The following RORA variants were observed in gnomAD, a reference collection of about 807,000 sequenced individuals.
The protein encoded by RORA is RAR related orphan receptor A.
RORA carries 7 observed loss-of-function variants against 69.5 expected under a neutral mutation model. The observed-to-expected ratio is 0.10, with a 90% CI of 0.06 to 0.19. The LOEUF (loss-of-function observed/expected upper bound fraction) is 0.19, where lower values mean the gene tolerates loss of function less well. Ranked by LOEUF, RORA falls within the 10% of genes least tolerant of loss-of-function variation. The pLI is 1.00. For missense variants in RORA, 457 were observed against 663.0 expected (o/e 0.69, Z 3.41); for synonymous variants, 261 against 240.8 (o/e 1.08, Z -0.78).
At chr15:60,769,995 A>T (rs1428726681) in intron 1 of RORA, among the ~76,000 whole-genome samples, 1 of 152,252 alleles carries the variant, frequency 6.6e-6, no homozygotes, top group Non-Finnish European at 1.5e-5. Context: ...AGCATGTGCT[A>T]TAACCTGTTT....
intron 1 of RORA, among the ~76,000 whole-genome samples, chr15:60,927,833 C>T (rs561542262): frequency 6.6e-6 from 1 of 152,122 alleles, no homozygotes; most frequent in Non-Finnish European, 1.5e-5. Flanking sequence ...AGAATGCAAG[C>T]GTCAGATTTT....
chr15:60,502,066 C>T (rs1167444010), intron 8 of RORA, among the ~76,000 whole-genome samples: 1 of 152,160 alleles, frequency 6.6e-6, no homozygotes. Flanking sequence ...GTTAAACCTC[C>T]ACCTCCCGGT....
intron 1 of RORA, among the ~76,000 whole-genome samples, chr15:61,034,222 C>T (rs998803408): frequency 6.1e-4 from 93 of 152,006 alleles, no homozygotes; most frequent in Non-Finnish European, 1.2e-3. Flanking sequence ...TATATAAAAT[C>T]CTTGATGGAC....
At chr15:61,143,722 A>G (rs2079321098) in intron 1 of RORA, among the ~76,000 whole-genome samples, 1 of 152,206 alleles carries the variant, frequency 6.6e-6, no homozygotes, top group Non-Finnish European at 1.5e-5. Flanking sequence ...GTTAGTAGGG[A>G]GAAAATAATG....
At chr15:60,959,737 C>A (rs890369068) in intron 1 of RORA, among the ~76,000 whole-genome samples, 2 of 152,122 alleles carry the variant, frequency 1.3e-5, no homozygotes, top group African/African-American at 4.8e-5. Context: ...TGGTAGGACG[C>A]ATTTGAAAAA....
chr15:60,944,388 G>A (rs976777142), intron 1 of RORA, among the ~76,000 whole-genome samples: 4 of 152,126 alleles, frequency 2.6e-5, no homozygotes, highest in African/African-American at 9.7e-5. Context: ...AATGGGTGGA[G>A]TTACAGGTGG....
At position 60,854,545 on chromosome 15, in the gene RORA, T is replaced by G. The variant is rs73428394; in HGVS notation, c.167-175859A>C. 2.6e-3 allele frequency among the ~76,000 whole-genome samples: 390 copies of G among 152,216 alleles called. 4 individuals are homozygous for G. The highest frequency in any genetic ancestry group is 9.1e-3 in the African/African-American group (376 of 41,514). On this transcript the variant is annotated intron_variant, in intron 1 of 10. Coordinates refer to ENST00000335670, the MANE Select transcript of RORA (RefSeq NM_134261.3). ...TTGATATATAAAACACTAAAGGAAA[T>G]AAACCAAGGCACACAGCACACACAT... is the stretch of plus-strand genomic sequence containing the variant.
intron 2 of RORA, among the ~76,000 whole-genome samples, chr15:60,612,122 G>A (rs376012161): frequency 6.6e-6 from 1 of 152,142 alleles, no homozygotes; most frequent in Admixed American, 6.5e-5. Flanking sequence ...TATCACTGAA[G>A]TTCTGAGATC....
intron 1 of RORA, among the ~76,000 whole-genome samples, chr15:61,185,680 A>C (rs945603714): frequency 1.3e-5 from 2 of 151,734 alleles, no homozygotes; most frequent in African/African-American, 2.4e-5. Context: ...CTAAACTACC[A>C]CTCTGTTCCA....
intron 2 of RORA, chr15:60,592,991 G>C (rs2068582934): frequency 2.2e-6 from 1 of 453,926 alleles, no homozygotes; most frequent in Middle Eastern, 3.3e-4. Context: ...TTGGTCTGGG[G>C]AGCTACGGTC....
chr15:60,768,973 AT>A (rs1358833355), intron 1 of RORA, among the ~76,000 whole-genome samples: 1 of 152,186 alleles, frequency 6.6e-6, no homozygotes, highest in African/African-American at 2.4e-5. Context: ...ATGTGTGGTT[AT>A]TTTTAAAACG....
At chr15:61,125,009 G>A (rs1160203947) in intron 1 of RORA, among the ~76,000 whole-genome samples, 1 of 152,156 alleles carries the variant, frequency 6.6e-6, no homozygotes, top group African/African-American at 2.4e-5. Flanking sequence ...AAAAGTGTGT[G>A]TTTGGAAAGG....
intron 1 of RORA, among the ~76,000 whole-genome samples, chr15:60,821,443 T>C (rs991695870): frequency 6.6e-6 from 1 of 152,192 alleles, no homozygotes; most frequent in Non-Finnish European, 1.5e-5. Context: ...AAGAGCCTGC[T>C]CCTTCTTCCT....
At chr15:61,206,491 T>C (rs1052897671) in intron 1 of RORA, among the ~76,000 whole-genome samples, 26 of 152,188 alleles carry the variant, frequency 1.7e-4, no homozygotes, top group African/African-American at 6.3e-4. Context: ...TCTCATAACT[T>C]AGCCAGAGAC....
chr15:60,773,940 C>G (rs140616478), intron 1 of RORA, among the ~76,000 whole-genome samples: 7 of 152,308 alleles, frequency 4.6e-5, no homozygotes, highest in African/African-American at 1.4e-4. Context: ...GATAGCTATA[C>G]CTGTTTCACT....
intron 1 of RORA, among the ~76,000 whole-genome samples, chr15:60,851,332 G>A (rs1039402781): frequency 1.3e-5 from 2 of 152,034 alleles, no homozygotes; most frequent in Non-Finnish European, 2.9e-5. Flanking sequence ...CCACCTTGGA[G>A]ATGCAGTTCC....
intron 2 of RORA, among the ~76,000 whole-genome samples, chr15:60,543,710 G>A (rs34582770): frequency 0.091 from 13,884 of 152,016 alleles, 808 homozygotes; most frequent in Middle Eastern, 0.17. Context: ...TTGAACTCCC[G>A]GACTCAAGTG....
At chr15:60,828,909 T>A (rs1211952038) in intron 1 of RORA, among the ~76,000 whole-genome samples, 2 of 152,216 alleles carry the variant, frequency 1.3e-5, no homozygotes, top group African/African-American at 2.4e-5. Context: ...TTTACTTTCA[T>A]CTTGCAATAT....
At chr15:60,841,940 C>A (rs1413383312) in intron 1 of RORA, among the ~76,000 whole-genome samples, 1 of 152,158 alleles carries the variant, frequency 6.6e-6, no homozygotes, top group African/African-American at 2.4e-5. Flanking sequence ...GTCCAGTGAT[C>A]CCAGATGGTG....
Sources: gnomAD v4.1 joint callset for allele counts (sites outside exome capture counted in the v4.1 genomes callset) on GRCh38, gnomAD v4.1.1 for gene constraint, MANE v1.5 for transcripts, NCBI Gene and HGNC (gene_info 2026-07-23, HGNC 2026-07-21) for gene names.